Variants in ZBTB1 observed in about 807,000 individuals in gnomAD.
ZBTB1 encodes zinc finger and BTB domain-containing protein 1.
In ZBTB1, 13 loss-of-function variants were observed where a neutral mutation model predicts 51.6. That is an observed-to-expected ratio of 0.25 (90% CI 0.16 to 0.40). The LOEUF is 0.40. Ranked by LOEUF, ZBTB1 falls within the 10% of genes least tolerant of loss-of-function variation. The pLI is 1.00. For missense variants in ZBTB1, 567 were observed against 856.5 expected, an observed-to-expected ratio of 0.66 and a Z score of 4.22; for synonymous variants, 240 against 282.2, an observed-to-expected ratio of 0.85 and a Z score of 1.50.
chr14:64,510,978 G>C (rs909746667), intron 1 of ZBTB1, among the ~76,000 whole-genome samples: 1 of 152,140 alleles, frequency 6.6e-6, no homozygotes, highest in African/African-American at 2.4e-5. Context: ...ATATTTAATG[G>C]GAAAATTGGC....
At chr14:64,510,780 A>G (rs1276303210) in intron 1 of ZBTB1, among the ~76,000 whole-genome samples, 2 of 152,200 alleles carry the variant, frequency 1.3e-5, no homozygotes, top group Admixed American at 1.3e-4. Context: ...CCATGGTAGA[A>G]TAGTGTGATA....
At chr14:64,525,856 T>C (rs2079899955), downstream of ZBTB1, among the ~76,000 whole-genome samples, 1 of 152,234 alleles carries the variant, frequency 6.6e-6, no homozygotes, top group African/African-American at 2.4e-5. Context: ...GGAGTCTTAC[T>C]CTTGCCCAGG....
At chr14:64,530,563 T>C (rs550699131) in intron 2 of ZBTB1, among the ~76,000 whole-genome samples, 1 of 151,590 alleles carries the variant, frequency 6.6e-6, no homozygotes, top group African/African-American at 2.4e-5. Flanking sequence ...GCTGATATCG[T>C]GCCACTGTAC....
Position 64,521,865 on chromosome 14 carries a change from T to C in ZBTB1, c.361T>C (p.Cys121Arg), listed in dbSNP as rs1012369488. Residue 121 changes from cysteine to arginine, a missense_variant, in exon 2 of 2, where the codon TGT becomes CGT. Around this residue, in one of 5 missense-constraint regions of ZBTB1, gnomAD observed 74 missense variants for 74.9 expected, o/e 0.99. Transcript: ENST00000683701. ...TTTAGAAGACATCCAGGATGCAGATTGTTCTAGTTCAAAATGTTCCTCTTC... is the reference window on the plus strand; with the variant it reads ...TTTAGAAGACATCCAGGATGCAGATCGTTCTAGTTCAAAATGTTCCTCTTC... ...DCLEDIQDAD[C>R]SSSKCSSSAS... 1.5e-5 allele frequency: 25 copies of C among 1,613,094 alleles called. No individual in the cohort carries two copies. The highest frequency in any genetic ancestry group is 3.3e-4 in the Middle Eastern group (2 of 6,084).
chr14:64,515,745 T>C (rs2079775962), intron 1 of ZBTB1, among the ~76,000 whole-genome samples: 1 of 152,086 alleles, frequency 6.6e-6, no homozygotes, highest in Admixed American at 6.5e-5. Context: ...TGGCTCGATT[T>C]CCTGACCTTG....
chr14:64,503,993 A>G (rs1191040559), upstream of ZBTB1: 1 of 152,232 alleles, frequency 6.6e-6, no homozygotes, highest in African/African-American at 2.4e-5. Context: ...CATAGGGACA[A>G]GCCTGAGCGT....
At chr14:64,507,923 G>T (rs2079683882) in intron 1 of ZBTB1, among the ~76,000 whole-genome samples, 1 of 152,142 alleles carries the variant, frequency 6.6e-6, no homozygotes, top group African/African-American at 2.4e-5. Context: ...TGCTGATATG[G>T]GATGGGGTTC....
rs1366889687 is a variant in ZBTB1 at position 64,522,360 on chromosome 14, G to A, written c.856G>A (p.Gly286Arg). Reference protein sequence around the residue: ...TFSAQTDKYRGDTSQAADDSA... With the variant: ...TFSAQTDKYRRDTSQAADDSA... The stretch of plus-strand genomic sequence containing the variant: ...TTCTGCACAGACGGACAAATACAGA[G>A]GAGACACAAGCCAGGCTGCTGATGA... Residue 286 changes from glycine (G) to arginine (R), a missense_variant, in exon 2 of 2, where the codon GGA becomes AGA. Physicochemically the swap from Gly to Arg is moderately radical, Grantham distance 125 (BLOSUM62 -2). This residue lies in a region of ZBTB1 where 329 missense variants were observed against 406.3 expected (regional missense o/e 0.81). Transcript: ENST00000683701. 1.2e-6 allele frequency: 2 copies of A among 1,614,162 alleles called. No individual in the cohort carries two copies. The highest frequency in any genetic ancestry group is 2.2e-5 in the East Asian group (1 of 44,888).
rs553772307 is a variant in ZBTB1 at position 64,506,616 on chromosome 14, T to A, written c.-19+1670T>A. 2.0e-5 allele frequency among the ~76,000 whole-genome samples: 3 copies of A among 152,234 alleles called. No homozygotes were observed. The East Asian group carries it at 5.8e-4, about 29-fold the overall frequency. Reference sequence around the variant, plus strand: ...ATGCTTTTCCAAAGGTTAATAAACATAACGTCTACAGTAGAGTCTTCAGTT... The same window carrying A: ...ATGCTTTTCCAAAGGTTAATAAACAAAACGTCTACAGTAGAGTCTTCAGTT... On this transcript the variant is annotated intron_variant, in intron 1 of 1. Coordinates refer to ENST00000683701, the MANE Select transcript of ZBTB1 (RefSeq NM_001123329.2).
At chr14:64,507,492 GT>G (rs1257955411) in intron 1 of ZBTB1, among the ~76,000 whole-genome samples, 1 of 152,158 alleles carries the variant, frequency 6.6e-6, no homozygotes, top group African/African-American at 2.4e-5. Flanking sequence ...ACCATGTACA[GT>G]TAATTCCTTG....
Position 64,522,907 on chromosome 14 carries a change from A to C in ZBTB1, c.1403A>C (p.Gln468Pro). ...VKGRQLQEHA[Q>P]RCGEPQDLTM... ...GGTAGGCAGCTTCAGGAACATGCTC[A>C]ACGATGTGGCGAGCCCCAAGATCTG... Residue 468 changes from glutamine to proline, a missense_variant, in exon 2 of 2, where the codon CAA (glutamine) becomes CCA (proline). Coordinates refer to ENST00000683701, the MANE Select transcript of ZBTB1 (RefSeq NM_001123329.2). 1 of 1,614,210 alleles carries C rather than the reference A, an allele frequency of 6.2e-7. No individual in the cohort carries two copies. Among genetic ancestry groups the C allele is most frequent in the Non-Finnish European group, 8.5e-7 (1 of 1,180,022 alleles).
intron 1 of ZBTB1, among the ~76,000 whole-genome samples, chr14:64,506,670 C>G (rs573543895): frequency 3.0e-4 from 45 of 152,300 alleles, no homozygotes; most frequent in Non-Finnish European, 5.3e-4. Flanking sequence ...TATGAGCAAG[C>G]AGGCTTTCTC....
chr14:64,503,736 T>A, upstream of ZBTB1: 1 of 464,168 alleles, frequency 2.2e-6, no homozygotes, highest in Non-Finnish European at 2.8e-6. Flanking sequence ...CTGCAAGCAG[T>A]GGCGCCGGCT....
downstream of ZBTB1, among the ~76,000 whole-genome samples, chr14:64,526,457 A>G (rs982794178): frequency 4.6e-5 from 7 of 151,448 alleles, no homozygotes; most frequent in Admixed American, 1.3e-4. Context: ...TCAGGTTCCA[A>G]ATCTAAAAAT....
intron 1 of ZBTB1, among the ~76,000 whole-genome samples, chr14:64,518,817 T>C (rs186058810): frequency 6.7e-6 from 1 of 149,500 alleles, no homozygotes; most frequent in African/African-American, 2.5e-5. Context: ...CTTTCTTCCT[T>C]ATCCAAAGTC....
rs1008537019 is a variant in ZBTB1 at position 64,512,003 on chromosome 14, T to C, written c.-19+7057T>C. ...CTAAATGTGACTTTGAACATACCACTTAACCTCTTAGGGCCTCAGTTTGCT... is the reference window on the plus strand; with the variant it reads ...CTAAATGTGACTTTGAACATACCACCTAACCTCTTAGGGCCTCAGTTTGCT... On this transcript the variant is annotated intron_variant, in intron 1 of 1. Coordinates refer to ENST00000683701, the MANE Select transcript of ZBTB1 (RefSeq NM_001123329.2). Among the ~76,000 whole-genome samples, 3 of 152,350 alleles carry C rather than the reference T, an allele frequency of 2.0e-5. No individual in the cohort carries two copies. The East Asian group carries it at 5.8e-4, about 29-fold the overall frequency.
At chr14:64,514,908 C>A (rs970580803) in intron 1 of ZBTB1, among the ~76,000 whole-genome samples, 2 of 152,168 alleles carry the variant, frequency 1.3e-5, no homozygotes, top group Non-Finnish European at 2.9e-5. Context: ...TACCCTGATA[C>A]ATTAAAAACC....
exon 3 of ZBTB1, chr14:64,532,717 C>T (rs540584512): frequency 2.6e-5 from 4 of 152,106 alleles, no homozygotes; most frequent in Non-Finnish European, 5.9e-5. Flanking sequence ...TATGTATAAA[C>T]CATGCTTCTC....
chr14:64,528,332 C>T (rs1312598205), downstream of ZBTB1, among the ~76,000 whole-genome samples: 2 of 141,792 alleles, frequency 1.4e-5, no homozygotes, highest in African/African-American at 5.2e-5. Context: ...AAAGTTAAAA[C>T]ATTTTTCTTT....
Sources: allele counts gnomAD v4.1 joint callset (sites outside exome capture counted in the v4.1 genomes callset), GRCh38; gene constraint gnomAD v4.1.1; regional missense constraint gnomAD v4.1.1; transcripts MANE v1.5; gene names NCBI Gene and HGNC (gene_info 2026-07-23, HGNC 2026-07-21).